The following PLEKHG1 variants were observed in gnomAD, a reference collection of about 807,000 sequenced individuals.
The protein encoded by PLEKHG1 is pleckstrin homology domain-containing family G member 1.
Under a neutral mutation model 100.8 loss-of-function variants are expected in PLEKHG1, and 44 were observed. The observed-to-expected ratio is 0.44, with a 90% CI of 0.34 to 0.56. The LOEUF is 0.56. Among genes scored for constraint, PLEKHG1 ranks in the 20% least tolerant of loss-of-function variants. PLEKHG1 has a pLI of 0.01. For missense variants in PLEKHG1, 1,545 were observed against 1,720.9 expected, an observed-to-expected ratio of 0.90 and a Z score of 1.81; for synonymous variants, 640 against 662.5, an observed-to-expected ratio of 0.97 and a Z score of 0.52.
Position 150,661,694 on chromosome 6 carries a change from G to A in PLEKHG1, c.-99+10908G>A, listed in dbSNP as rs181499061. ...ATGTGGTGGAAACATTCTTTATTAG[G>A]CCATGTATCTTGATATTAGAGTTTA... On this transcript the variant is annotated intron_variant, in intron 3 of 3. Transcript: ENST00000367326. Among the ~76,000 whole-genome samples the A allele has an allele frequency of 1.8e-4, 27 of 152,204 alleles. 1 individual carries two copies. The highest frequency in any genetic ancestry group is 3.5e-4 in the Non-Finnish European group (24 of 68,014).
At chr6:150,810,141 A>G (rs377737390) in intron 10 of PLEKHG1, among the ~76,000 whole-genome samples, 3 of 151,920 alleles carry the variant, frequency 2.0e-5, no homozygotes, top group African/African-American at 7.2e-5. Flanking sequence ...TACAAAAAAT[A>G]TAAAAGTTAG....
upstream of PLEKHG1, among the ~76,000 whole-genome samples, chr6:150,720,825 G>C (rs1781635052): frequency 6.6e-6 from 1 of 152,220 alleles, no homozygotes; most frequent in South Asian, 2.1e-4. Context: ...GCAGCTTTGG[G>C]CGAGTGTGGG....
rs553022134 is a variant in PLEKHG1 at position 150,618,471 on chromosome 6, G to A, written c.-204+18454G>A. On this transcript the variant is annotated intron_variant, in intron 1 of 3. Transcript: ENST00000367326. ...ATGGTGTGGAAATATTCCCACTGTG[G>A]CTGATATCAAGCTGCCAGTGTGACA... Among the ~76,000 whole-genome samples, 14 of 152,308 alleles carry A rather than the reference G, an allele frequency of 9.2e-5. No individual in the cohort carries two copies. The South Asian group carries it at 2.9e-3, about 32-fold the overall frequency.
At chr6:150,644,974 T>G (rs1305236143) in intron 2 of PLEKHG1, among the ~76,000 whole-genome samples, 2 of 152,220 alleles carry the variant, frequency 1.3e-5, no homozygotes, top group East Asian at 3.8e-4. Context: ...AACATGTTTT[T>G]GGTGGAACTT....
chr6:150,838,145 G>T (rs942980577), intron 15 of PLEKHG1, among the ~76,000 whole-genome samples: 1 of 152,136 alleles, frequency 6.6e-6, no homozygotes, highest in Admixed American at 6.5e-5. Flanking sequence ...TTAAGTTCAA[G>T]AAATAATTTA....
intron 2 of PLEKHG1, among the ~76,000 whole-genome samples, chr6:150,752,047 A>G (rs1426205851): frequency 1.3e-5 from 2 of 152,094 alleles, no homozygotes; most frequent in Non-Finnish European, 2.9e-5. Flanking sequence ...AAAGCCGGGC[A>G]TGGTGGAAGG....
chr6:150,839,227 GC>G (rs1777385140), intron 15 of PLEKHG1, among the ~76,000 whole-genome samples: 1 of 152,118 alleles, frequency 6.6e-6, no homozygotes, highest in Non-Finnish European at 1.5e-5. Context: ...CAATTCTCCT[GC>G]CTCAGCCTCC....
intron 1 of PLEKHG1, among the ~76,000 whole-genome samples, chr6:150,609,936 C>T (rs1442476775): frequency 1.3e-5 from 2 of 152,164 alleles, no homozygotes; most frequent in African/African-American, 4.8e-5. Context: ...GTCCAGCATC[C>T]TCTCTCCTTT....
chr6:150,779,079 T>C (rs1275672475), intron 3 of PLEKHG1, among the ~76,000 whole-genome samples: 3 of 152,190 alleles, frequency 2.0e-5, no homozygotes, highest in Non-Finnish European at 4.4e-5. Flanking sequence ...ATTGGCAGTG[T>C]GACCTAAGGT....
chr6:150,721,099 G>A (rs1048452756), exon 1 of PLEKHG1: 16 of 967,848 alleles, frequency 1.7e-5, no homozygotes, highest in African/African-American at 1.2e-4. Context: ...ATATTTCTAC[G>A]GAAGGCGCTG....
intron 1 of PLEKHG1, among the ~76,000 whole-genome samples, chr6:150,722,524 T>A (rs753641834): frequency 2.0e-5 from 3 of 152,028 alleles, no homozygotes; most frequent in Non-Finnish European, 4.4e-5. Context: ...CGGCTAATTT[T>A]TGTATTTTTA....
upstream of PLEKHG1, among the ~76,000 whole-genome samples, chr6:150,717,732 C>T (rs568963481): frequency 3.0e-3 from 464 of 152,294 alleles, no homozygotes; most frequent in Non-Finnish European, 5.4e-3. Flanking sequence ...ATCTTTATCA[C>T]CTAACAAGGC....
chr6:150,718,401 C>T (rs187890276), upstream of PLEKHG1, among the ~76,000 whole-genome samples: 8 of 151,838 alleles, frequency 5.3e-5, no homozygotes, highest in Admixed American at 3.9e-4. Flanking sequence ...GTGTAGAAGG[C>T]GCCTCTGCTC....
At chr6:150,777,629 C>A (rs1471957345) in intron 3 of PLEKHG1, among the ~76,000 whole-genome samples, 1 of 151,218 alleles carries the variant, frequency 6.6e-6, no homozygotes, top group Non-Finnish European at 1.5e-5. Context: ...TGTGGTTGCA[C>A]ATTACTCACA....
At chr6:150,745,659 G>A (rs889480940) in intron 2 of PLEKHG1, among the ~76,000 whole-genome samples, 2 of 151,216 alleles carry the variant, frequency 1.3e-5, no homozygotes, top group African/African-American at 2.4e-5. Context: ...CTCCAGCCTG[G>A]GTGACAGAGC....
At chr6:150,769,247 C>A (rs1000451119) in intron 3 of PLEKHG1, among the ~76,000 whole-genome samples, 1 of 152,022 alleles carries the variant, frequency 6.6e-6, no homozygotes, top group Non-Finnish European at 1.5e-5. Flanking sequence ...GTAAACAAGA[C>A]AGAGAGTGAA....
At position 150,821,338 on chromosome 6, in the gene PLEKHG1, G is replaced by C. The variant is rs558010786; in HGVS notation, c.1447+105G>C. The C allele has an allele frequency of 4.1e-5, 32 of 772,228 alleles. 1 individual carries two copies. Among genetic ancestry groups the C allele is most frequent in the Admixed American group, 3.7e-4 (15 of 40,874 alleles). The allele number at this position is 772,228 out of a possible 1,614,324, so 47.8% of individuals were successfully genotyped here. A position where few individuals can be genotyped will look rare whatever the true frequency, so the allele number is the denominator to read the frequency against. ...AGATAAATTACATATTGACAGATTT[G>C]ATTTGATTACAAAAAGATTAACTTC... On this transcript the variant is annotated intron_variant, in intron 13 of 15. Transcript: ENST00000358517.
intron 2 of PLEKHG1, among the ~76,000 whole-genome samples, chr6:150,740,675 A>G (rs543925119): frequency 2.0e-5 from 3 of 152,356 alleles, no homozygotes; most frequent in East Asian, 1.9e-4. Context: ...TAAGGAACTT[A>G]CACTGTGGTA....
chr6:150,661,975 G>A (rs1316193225), intron 3 of PLEKHG1, among the ~76,000 whole-genome samples: 2 of 152,148 alleles, frequency 1.3e-5, no homozygotes, highest in Non-Finnish European at 2.9e-5. Context: ...GTAGAGGCCA[G>A]GATCCCGAGA....
Sources: allele counts gnomAD v4.1 joint callset (sites outside exome capture counted in the v4.1 genomes callset), GRCh38; gene constraint gnomAD v4.1.1; transcripts MANE v1.5; gene names NCBI Gene and HGNC (gene_info 2026-07-23, HGNC 2026-07-21).